The following R3HDM1 variants were observed in gnomAD, a reference collection of about 807,000 sequenced individuals.
R3HDM1 encodes R3H domain-containing protein 1.
R3HDM1 carries 46 observed loss-of-function variants against 141.1 expected under a neutral mutation model. The observed-to-expected ratio is 0.33, with a 90% CI of 0.26 to 0.42. The LOEUF (loss-of-function observed/expected upper bound fraction) is 0.42, where lower values mean the gene tolerates loss of function less well. Among genes scored for constraint, R3HDM1 ranks in the 10% least tolerant of loss-of-function variants. R3HDM1 has a pLI of 1.00. For synonymous variants in R3HDM1, 435 were observed against 472.9 expected, an observed-to-expected ratio of 0.92 and a Z score of 1.04; for missense variants, 1,184 against 1,368.3, an observed-to-expected ratio of 0.87 and a Z score of 2.12.
In R3HDM1 at chr2:135,562,948, G is replaced by A. The variant is rs116633230; in HGVS notation, c.-250+31315G>A. 6.8e-4 allele frequency among the ~76,000 whole-genome samples: 103 copies of A among 152,186 alleles called. 1 individual carries two copies. Among genetic ancestry groups the A allele is most frequent in the African/African-American group, 1.3e-3 (54 of 41,504 alleles). Reference sequence around the variant, plus strand: ...TTGCTGTCAGGTTGATAACTAGGGCGACCACATTACCTGTTGCCCAGCAAA... The same window carrying A: ...TTGCTGTCAGGTTGATAACTAGGGCAACCACATTACCTGTTGCCCAGCAAA... On this transcript the variant is annotated intron_variant, in intron 1 of 26. Transcript: ENST00000683871.
chr2:135,659,945 C>G (rs563064891), intron 18 of R3HDM1, among the ~76,000 whole-genome samples: 1 of 152,248 alleles, frequency 6.6e-6, no homozygotes, highest in South Asian at 2.1e-4. Flanking sequence ...CCTTTATAAT[C>G]TTAGGGGGCC....
At chr2:135,587,624 C>T (rs1465295498) in intron 1 of R3HDM1, among the ~76,000 whole-genome samples, 1 of 151,956 alleles carries the variant, frequency 6.6e-6, no homozygotes, top group Non-Finnish European at 1.5e-5. Context: ...ATTTTTAAGC[C>T]TCAGATTTTA....
chr2:135,713,287 A>T (rs2075855362), intron 23 of R3HDM1, among the ~76,000 whole-genome samples: 1 of 152,168 alleles, frequency 6.6e-6, no homozygotes, highest in Non-Finnish European at 1.5e-5. Context: ...AAAATATAAA[A>T]CTACTTTTCA....
At position 135,695,964 on chromosome 2, in the gene R3HDM1, G is replaced by A. The variant is rs145313884; in HGVS notation, c.2460-13469G>A. 9.5e-3 allele frequency among the ~76,000 whole-genome samples: 1,448 copies of A among 152,266 alleles called. 17 individuals carry two copies. Among genetic ancestry groups the A allele is most frequent in the Non-Finnish European group, 0.013 (861 of 68,014 alleles). On this transcript the variant is annotated intron_variant, in intron 21 of 26. Coordinates refer to ENST00000683871, the MANE Select transcript of R3HDM1 (RefSeq NM_001378107.1). The stretch of plus-strand genomic sequence containing the variant: ...ATTTTTGTCCTTCTGACAAGGGCTC[G>A]TGTGTATAATAAATCAAGAATTCTC...
chr2:135,634,104 A>G (rs1471837741), intron 9 of R3HDM1, among the ~76,000 whole-genome samples: 2 of 151,504 alleles, frequency 1.3e-5, no homozygotes, highest in Admixed American at 6.6e-5. Context: ...TGAAGAAAAT[A>G]CTCTTTTTCT....
chr2:135,604,966 A>G lies in R3HDM1; in HGVS notation c.121A>G (p.Ile41Val), dbSNP rs2059922983. The stretch of plus-strand genomic sequence containing the variant: ...TATCAAATCAGAAAACTATGGGAAG[A>G]TTTTGGTAGAGAAGAATGAACATTG... Reference protein sequence around the residue: ...NLIKSENYGKILVEKNEHCIE... With the variant: ...NLIKSENYGKVLVEKNEHCIE... The change falls in exon 3 of 27, where the codon ATT (isoleucine) becomes GTT (valine). Residue 41 changes from isoleucine (I) to valine (V), a missense_variant. Physicochemically the swap from Ile to Val is conservative, Grantham distance 29. This residue lies in a region of R3HDM1 where 192 missense variants were observed against 215.7 expected (regional missense o/e 0.89). Coordinates refer to ENST00000683871, the MANE Select transcript of R3HDM1 (RefSeq NM_001378107.1). 6.2e-7 allele frequency: 1 copy of G among 1,612,436 alleles called. No individual in the cohort carries two copies.
At chr2:135,597,816 T>C (rs910670327) in intron 1 of R3HDM1, among the ~76,000 whole-genome samples, 15 of 152,322 alleles carry the variant, frequency 9.8e-5, no homozygotes, top group Non-Finnish European at 1.5e-4. Flanking sequence ...TTCCCACATA[T>C]AAATTAACTT....
intron 1 of R3HDM1, among the ~76,000 whole-genome samples, chr2:135,543,965 C>G (rs1317555643): frequency 6.6e-6 from 1 of 152,194 alleles, no homozygotes; most frequent in Admixed American, 6.5e-5. Flanking sequence ...ACTCAGAGAC[C>G]TAATTGAAAT....
At chr2:135,560,440 A>G (rs1470297345) in intron 1 of R3HDM1, among the ~76,000 whole-genome samples, 1 of 152,140 alleles carries the variant, frequency 6.6e-6, no homozygotes, top group Non-Finnish European at 1.5e-5. Flanking sequence ...CAGCCTCGCG[A>G]GTAGCTGGGA....
chr2:135,575,664 G>A (rs1224827967), intron 1 of R3HDM1, among the ~76,000 whole-genome samples: 1 of 152,098 alleles, frequency 6.6e-6, no homozygotes, highest in African/African-American at 2.4e-5. Flanking sequence ...AGTCACAATG[G>A]TAGAGAAAAC....
chr2:135,550,640 T>A (rs1699660795), intron 1 of R3HDM1, among the ~76,000 whole-genome samples: 1 of 152,224 alleles, frequency 6.6e-6, no homozygotes, highest in Non-Finnish European at 1.5e-5. Context: ...CTGATTAAAT[T>A]GTTTCCATCA....
At chr2:135,564,236 G>C (rs78994810) in intron 1 of R3HDM1, among the ~76,000 whole-genome samples, 2,233 of 152,314 alleles carry the variant, frequency 0.015, 35 homozygotes, top group Non-Finnish European at 0.02. Flanking sequence ...TTCTTACCAT[G>C]TGTAATATTG....
chr2:135,667,395 T>TAAAA (rs3074519), intron 19 of R3HDM1, among the ~76,000 whole-genome samples: 10,511 of 150,422 alleles, frequency 0.07, 714 homozygotes, highest in African/African-American at 0.18. Context: ...GGTAGTGTTT[T>TAAAA]AAAAAAAAAA....
At chr2:135,565,586 A>G (rs1280154357) in intron 1 of R3HDM1, among the ~76,000 whole-genome samples, 1 of 151,830 alleles carries the variant, frequency 6.6e-6, no homozygotes, top group Non-Finnish European at 1.5e-5. Flanking sequence ...CTACCTCTTC[A>G]TTTCTTTGGC....
At chr2:135,721,126 T>A (rs1032642500) in intron 24 of R3HDM1, among the ~76,000 whole-genome samples, 5 of 152,188 alleles carry the variant, frequency 3.3e-5, no homozygotes, top group Non-Finnish European at 7.4e-5. Flanking sequence ...TTATTAGTCC[T>A]TAATCTTTTC....
chr2:135,660,156 C>T (rs1204301762), intron 18 of R3HDM1, among the ~76,000 whole-genome samples: 2 of 152,168 alleles, frequency 1.3e-5, no homozygotes, highest in Non-Finnish European at 2.9e-5. Flanking sequence ...GTCTCAAAAA[C>T]AACATGAATT....
At chr2:135,672,944 T>C (rs557399943) in intron 19 of R3HDM1, among the ~76,000 whole-genome samples, 1 of 152,174 alleles carries the variant, frequency 6.6e-6, no homozygotes, top group Non-Finnish European at 1.5e-5. Context: ...CCATCTCTAC[T>C]AAAAATACAA....
At chr2:135,624,378 G>C (rs2061797071) in intron 7 of R3HDM1, among the ~76,000 whole-genome samples, 1 of 149,828 alleles carries the variant, frequency 6.7e-6, no homozygotes, top group South Asian at 2.2e-4. Flanking sequence ...TGGGCGACAG[G>C]GCGAGACTCC....
At chr2:135,549,514 T>G (rs1699400245) in intron 1 of R3HDM1, among the ~76,000 whole-genome samples, 1 of 148,320 alleles carries the variant, frequency 6.7e-6, no homozygotes, top group African/African-American at 2.6e-5. Context: ...TAAGCCGACA[T>G]TGCGCCATTG....
Sources: gnomAD v4.1 joint callset for allele counts (sites outside exome capture counted in the v4.1 genomes callset) on GRCh38, gnomAD v4.1.1 for gene constraint, gnomAD v4.1.1 regional missense constraint, MANE v1.5 for transcripts, NCBI Gene and HGNC (gene_info 2026-07-23, HGNC 2026-07-21) for gene names.